GDPD4: variants seen among roughly 807,000 people sequenced by gnomAD.
GDPD4 encodes glycerophosphodiester phosphodiesterase 6.
A neutral mutation model predicts 67.8 loss-of-function variants in GDPD4; 60 were observed. The observed-to-expected ratio is 0.88, with a 90% CI of 0.72 to 1.10. GDPD4 has a LOEUF of 1.10. Among genes scored for constraint, GDPD4 ranks in the 50% least tolerant of loss-of-function variants. GDPD4 has a pLI of 0.00. For missense variants in GDPD4, 623 were observed against 613.9 expected (o/e 1.01, Z -0.16); for synonymous variants, 212 against 210.9 (o/e 1.00, Z -0.04).
chr11:77,293,992 T>C (rs1937866452), intron 1 of GDPD4, among the ~76,000 whole-genome samples: 1 of 151,990 alleles, frequency 6.6e-6, no homozygotes, highest in Non-Finnish European at 1.5e-5. Context: ...ATGTAGAAAA[T>C]CTCCAAAATT....
At chr11:77,273,325 C>T (rs753747810) in intron 5 of GDPD4, among the ~76,000 whole-genome samples, 1 of 152,178 alleles carries the variant, frequency 6.6e-6, no homozygotes, top group Non-Finnish European at 1.5e-5. Flanking sequence ...ATCAGTCTCT[C>T]CTCACAAGTC....
In GDPD4 at chr11:77,233,142, G is replaced by A. The variant is rs780331812; in HGVS notation, c.1272C>T (p.Asn424=). The A allele has an allele frequency of 1.4e-5, 22 of 1,613,820 alleles. 1 individual carries two copies. The highest frequency in any genetic ancestry group is 3.3e-5 in the South Asian group (3 of 91,062). ...GCCAAGGCTCATTGACGGTGTATAC[G>A]TTGATATGGATGTTAGCTGCTTTAT... ...RDYKAANIHI[N]VYTVNEPWLF... The change falls in exon 14 of 17, where the codon AAC becomes AAT. Residue 424 remains asparagine (N), a synonymous_variant. Coordinates refer to ENST00000315938, the MANE Select transcript of GDPD4 (RefSeq NM_182833.3).
At chr11:77,261,589 G>A (rs1959119613) in intron 10 of GDPD4, among the ~76,000 whole-genome samples, 2 of 152,116 alleles carry the variant, frequency 1.3e-5, no homozygotes, top group Admixed American at 6.6e-5. Flanking sequence ...TAAGGAAACC[G>A]ATTTATAGAT....
At chr11:77,284,876 A>C (rs550854381) in intron 3 of GDPD4, among the ~76,000 whole-genome samples, 90 of 152,284 alleles carry the variant, frequency 5.9e-4, no homozygotes, top group Non-Finnish European at 1.1e-3. Flanking sequence ...TATGAGACTG[A>C]GCACAGTGGA....
At chr11:77,253,089 A>T (rs759439423) in intron 11 of GDPD4, among the ~76,000 whole-genome samples, 10 of 152,188 alleles carry the variant, frequency 6.6e-5, no homozygotes, top group Non-Finnish European at 1.3e-4. Context: ...TCTGTGGCAG[A>T]GTTGGACATA....
At chr11:77,235,610 A>G (rs1360624534) in intron 13 of GDPD4, among the ~76,000 whole-genome samples, 3 of 152,264 alleles carry the variant, frequency 2.0e-5, no homozygotes, top group Non-Finnish European at 4.4e-5. Context: ...AGGAGTAACT[A>G]GACAGCTACA....
At chr11:77,295,299 A>C (rs547057851) in intron 1 of GDPD4, among the ~76,000 whole-genome samples, 1 of 151,090 alleles carries the variant, frequency 6.6e-6, no homozygotes, top group African/African-American at 2.4e-5. Context: ...ACAACTTTGC[A>C]TTCTTTGTAA....
chr11:77,297,653 A>G (rs1330332969), intron 1 of GDPD4, among the ~76,000 whole-genome samples: 1 of 152,128 alleles, frequency 6.6e-6, no homozygotes, highest in African/African-American at 2.4e-5. Flanking sequence ...TCTGTACCTC[A>G]GTTTTCTCAT....
In GDPD4 at chr11:77,285,117, T is replaced by C. The variant is rs1300698376; in HGVS notation, c.21A>G (p.Ile7Met). The stretch of plus-strand genomic sequence containing the variant: ...AGTTAAAGTATTCACTGGATGTTTC[T>C]ATCCACAGGAACAGCAACATCAGAG... Reference protein sequence around the residue: MLLFLWIETSSEYFNFD... With the variant: MLLFLWMETSSEYFNFD... Residue 7 changes from isoleucine to methionine, a missense_variant, in exon 3 of 17, where the codon ATA (isoleucine) becomes ATG (methionine). Transcript: ENST00000315938. The C allele has an allele frequency of 1.9e-6, 3 of 1,612,604 alleles. No individual in the cohort carries two copies. The highest frequency in any genetic ancestry group is 1.1e-5 in the South Asian group (1 of 90,982).
chr11:77,216,964 C>T lies in GDPD4; in HGVS notation c.*313G>A, dbSNP rs900318137. 2.8e-6 allele frequency: 2 copies of T among 702,924 alleles called. No homozygotes were observed. Among genetic ancestry groups the T allele is most frequent in the Middle Eastern group, 2.3e-4 (1 of 4,322 alleles). The allele number at this position is 702,924 out of a possible 1,614,324, so 43.5% of individuals were successfully genotyped here. On this transcript the variant is annotated 3_prime_UTR_variant, in exon 17 of 17. Transcript: ENST00000315938. Reference sequence around the variant, plus strand: ...AAGGATAGGGGACCTCTATGGAGGGCATGGTTGGCTTATCCACCTTCAGGG... The same window carrying T: ...AAGGATAGGGGACCTCTATGGAGGGTATGGTTGGCTTATCCACCTTCAGGG...
intron 11 of GDPD4, among the ~76,000 whole-genome samples, chr11:77,245,947 T>A (rs1307098437): frequency 6.6e-6 from 1 of 152,228 alleles, no homozygotes; most frequent in Non-Finnish European, 1.5e-5. Flanking sequence ...GTTAAAATCC[T>A]ACCCTTCAAA....
intron 13 of GDPD4, among the ~76,000 whole-genome samples, chr11:77,237,969 A>C: frequency 6.6e-6 from 1 of 152,198 alleles, no homozygotes; most frequent in Non-Finnish European, 1.5e-5. Context: ...TTACATTAGA[A>C]AGAAGATCTA....
Position 77,275,300 on chromosome 11 carries a change from T to A in GDPD4, c.207+861A>T, listed in dbSNP as rs1959407631. On this transcript the variant is annotated intron_variant, in intron 5 of 16. Coordinates refer to ENST00000315938, the MANE Select transcript of GDPD4 (RefSeq NM_182833.3). ...ATGGGAGAACAAAACAAGGATGCTATATTGGAAATATGCTGCATGCCTGCA... is the reference window on the plus strand; with the variant it reads ...ATGGGAGAACAAAACAAGGATGCTAAATTGGAAATATGCTGCATGCCTGCA... Among the ~76,000 whole-genome samples, 5 of 152,222 alleles carry A rather than the reference T, an allele frequency of 3.3e-5. No homozygotes were observed. In the South Asian group the frequency reaches 1.0e-3, roughly 32 times the overall value.
chr11:77,279,248 G>A, intron 4 of GDPD4, 58 bp downstream of exon 4: 2 of 1,085,142 alleles, frequency 1.8e-6, no homozygotes, highest in Admixed American at 3.5e-5. Flanking sequence ...ACCACAGGCA[G>A]GAACACCTCA....
chr11:77,226,034 C>T (rs1958329596), intron 16 of GDPD4, among the ~76,000 whole-genome samples: 1 of 152,154 alleles, frequency 6.6e-6, no homozygotes, highest in African/African-American at 2.4e-5. Flanking sequence ...AACCTAAGAG[C>T]TCTTAAAAAC....
Position 77,277,673 on chromosome 11 carries a change from A to G in GDPD4, c.148-1453T>C, listed in dbSNP as rs574505852. The stretch of plus-strand genomic sequence containing the variant: ...TATTAGTCTTGCTAGCGGTCTATCA[A>G]TTTTGTTGATCTTTTCAAAAAACCA... On this transcript the variant is annotated intron_variant, in intron 4 of 16. Coordinates refer to ENST00000315938, the MANE Select transcript of GDPD4 (RefSeq NM_182833.3). Among the ~76,000 whole-genome samples, 1,188 of 151,372 alleles carry G rather than the reference A, an allele frequency of 7.8e-3. 20 individuals are homozygous for G. The highest frequency in any genetic ancestry group is 0.026 in the African/African-American group (1,078 of 41,280).
rs1958124759 is a variant in GDPD4, at chr11:77,216,593, A to G, written c.*684T>C. ...GTTGCCTTTACTTATATGCACAGTC[A>G]CTCCTTTAGCAGAAAATATTATGGA... On this transcript the variant is annotated 3_prime_UTR_variant, in exon 17 of 17. Transcript: ENST00000315938. The G allele has an allele frequency of 6.4e-6, 2 of 312,480 alleles. No individual in the cohort carries two copies. Among genetic ancestry groups the G allele is most frequent in the Non-Finnish European group, 1.2e-5 (2 of 166,906 alleles). 19.4% of individuals were successfully genotyped at this position (312,480 alleles called of 1,614,324 possible).
chr11:77,300,502 A>C (rs544740945), intron 1 of GDPD4, among the ~76,000 whole-genome samples: 9 of 152,058 alleles, frequency 5.9e-5, no homozygotes, highest in South Asian at 2.1e-4. Flanking sequence ...GGACAAATGC[A>C]TAATCATGGT....
At chr11:77,283,538 T>C (rs1454522837) in intron 3 of GDPD4, among the ~76,000 whole-genome samples, 1 of 152,000 alleles carries the variant, frequency 6.6e-6, no homozygotes, top group Non-Finnish European at 1.5e-5. Flanking sequence ...AATTATACCA[T>C]AGCATTTATA....
Sources: gnomAD v4.1 joint callset for allele counts (sites outside exome capture counted in the v4.1 genomes callset) on GRCh38, gnomAD v4.1.1 for gene constraint, MANE v1.5 for transcripts, NCBI Gene and HGNC (gene_info 2026-07-23, HGNC 2026-07-21) for gene names.